The following SCRG1 variants were observed in gnomAD, a reference collection of about 807,000 sequenced individuals.
SCRG1 encodes the protein stimulator of chondrogenesis 1, also known as scrapie-responsive protein 1.
Under a neutral mutation model 7.7 loss-of-function variants are expected in SCRG1, and 3 were observed. The ratio of observed to expected loss-of-function variants is 0.39; its 90% CI spans 0.18 to 1.01. The LOEUF (loss-of-function observed/expected upper bound fraction) is 1.01, where lower values mean the gene tolerates loss of function less well. Among genes scored for constraint, SCRG1 ranks in the 50% least tolerant of loss-of-function variants. The probability of loss-of-function intolerance (pLI) is 0.36; values close to 1 mark genes in which losing one functional copy is unlikely to be tolerated. For synonymous variants in SCRG1, 46 were observed against 41.2 expected, an observed-to-expected ratio of 1.12 and a Z score of -0.44; for missense variants, 110 against 117.2, an observed-to-expected ratio of 0.94 and a Z score of 0.28.
the SCRG1 span, among the ~76,000 whole-genome samples, chr4:173,423,002 G>A: frequency 6.6e-6 from 1 of 152,136 alleles, no homozygotes; most frequent in Non-Finnish European, 1.5e-5. Flanking sequence ...CTCTTTGGAT[G>A]GGTGTTGGTT....
At chr4:173,478,384 A>C in the SCRG1 span, among the ~76,000 whole-genome samples, 1 of 138,824 alleles carries the variant, frequency 7.2e-6, no homozygotes, top group Admixed American at 6.8e-5. Context: ...AAAAACAAAA[A>C]ACAAAAAACA....
chr4:173,425,544 G>T, the SCRG1 span, among the ~76,000 whole-genome samples: 2 of 152,178 alleles, frequency 1.3e-5, no homozygotes, highest in Non-Finnish European at 2.9e-5. Flanking sequence ...TAGGGGGCAG[G>T]TATGATGGAC....
chr4:173,457,397 G>A, the SCRG1 span, among the ~76,000 whole-genome samples: 1 of 152,224 alleles, frequency 6.6e-6, no homozygotes, highest in Admixed American at 6.5e-5. Flanking sequence ...TTCTGGAATA[G>A]AGCCAATTCC....
At chr4:173,501,524 C>G in the SCRG1 span, among the ~76,000 whole-genome samples, 1 of 152,142 alleles carries the variant, frequency 6.6e-6, no homozygotes, top group Non-Finnish European at 1.5e-5. The surrounding 1 kb of genome is among the most constrained non-coding windows in gnomAD (Gnocchi z 5.1). Context: ...AGTAGGCACA[C>G]GAAGAACGGC....
At chr4:173,516,648 A>G in the SCRG1 span, among the ~76,000 whole-genome samples, 1 of 152,200 alleles carries the variant, frequency 6.6e-6, no homozygotes, top group Non-Finnish European at 1.5e-5. Flanking sequence ...GAAACAAAAC[A>G]ACCAACCCCG....
chr4:173,458,676 A>C, the SCRG1 span, among the ~76,000 whole-genome samples: 3 of 152,354 alleles, frequency 2.0e-5, no homozygotes, highest in Non-Finnish European at 4.4e-5. Flanking sequence ...ATAAATAGTA[A>C]GAGAGGAAGA....
At position 173,386,744 on chromosome 4, in the gene SCRG1, A is replaced by C. The variant is rs1368703265; in HGVS notation, c.*1597T>G. 1 of 152,198 alleles carries C rather than the reference A, an allele frequency of 6.6e-6. No individual in the cohort carries two copies. The highest frequency in any genetic ancestry group is 2.1e-4 in the South Asian group (1 of 4,826). The allele number at this position is 152,198 out of a possible 1,614,324, so 9.4% of individuals were successfully genotyped here. A position where few individuals can be genotyped will look rare whatever the true frequency, so the allele number is the denominator to read the frequency against. On this transcript the variant is annotated 3_prime_UTR_variant, in exon 3 of 3. Coordinates refer to ENST00000296506, the MANE Select transcript of SCRG1 (RefSeq NM_007281.4). ...GGTGTCTCTCAAACATTTCCCCACA[A>C]TACTTTGTATGGCACCCTATACTTC...
chr4:173,429,284 G>GA, the SCRG1 span, among the ~76,000 whole-genome samples: 17 of 125,196 alleles, frequency 1.4e-4, no homozygotes, highest in Admixed American at 4.5e-4. Flanking sequence ...GAAGGTATGA[G>GA]AAAAAAAATT....
At chr4:173,474,504 A>G in the SCRG1 span, among the ~76,000 whole-genome samples, 2 of 152,340 alleles carry the variant, frequency 1.3e-5, no homozygotes, top group South Asian at 2.1e-4. Flanking sequence ...AATTCTTTAC[A>G]CTTTCAGAAA....
At chr4:173,424,069 C>A in the SCRG1 span, among the ~76,000 whole-genome samples, 62 of 152,280 alleles carry the variant, frequency 4.1e-4, no homozygotes, top group African/African-American at 1.4e-3. Context: ...AAAGGTCCCA[C>A]TTGTCAATAC....
At chr4:173,506,142 G>A in the SCRG1 span, among the ~76,000 whole-genome samples, 1 of 152,178 alleles carries the variant, frequency 6.6e-6, no homozygotes, top group East Asian at 1.9e-4. The surrounding 1 kb of genome is among the most constrained non-coding windows in gnomAD (Gnocchi z 5.3). Flanking sequence ...TGACACTTGA[G>A]GGACACATGT....
At chr4:173,459,126 G>A in the SCRG1 span, among the ~76,000 whole-genome samples, 1 of 152,164 alleles carries the variant, frequency 6.6e-6, no homozygotes, top group Non-Finnish European at 1.5e-5. Flanking sequence ...AGCAATTATT[G>A]TTAGATCTAA....
Position 173,387,577 on chromosome 4 carries a change from C to T in SCRG1, c.*764G>A, listed in dbSNP as rs186566306. ...CCCAGGCTGGTCTCAAACTCCTGGA[C>T]TCAAGTGATCTTCCCGCCTTGGCCT... On this transcript the variant is annotated 3_prime_UTR_variant, in exon 3 of 3. Transcript: ENST00000296506. The T allele has an allele frequency of 1.3e-5, 2 of 150,124 alleles. No homozygotes were observed. Among genetic ancestry groups the T allele is most frequent in the South Asian group, 2.1e-4 (1 of 4,702 alleles). 9.3% of individuals were successfully genotyped at this position (150,124 alleles called of 1,614,324 possible).
At chr4:173,505,467 T>C in the SCRG1 span, among the ~76,000 whole-genome samples, 5 of 152,126 alleles carry the variant, frequency 3.3e-5, no homozygotes, top group East Asian at 3.9e-4. The surrounding 1 kb of genome is among the most constrained non-coding windows in gnomAD (Gnocchi z 4.4). Flanking sequence ...CATCAGTACA[T>C]TGGGAAAGTG....
At chr4:173,493,345 C>A in the SCRG1 span, among the ~76,000 whole-genome samples, 2 of 152,126 alleles carry the variant, frequency 1.3e-5, no homozygotes, top group Non-Finnish European at 2.9e-5. Flanking sequence ...GCTTGCTTCC[C>A]CTTCTGCCTT....
the SCRG1 span, among the ~76,000 whole-genome samples, chr4:173,444,352 A>G: frequency 6.6e-6 from 1 of 152,280 alleles, no homozygotes; most frequent in Admixed American, 6.5e-5. Context: ...TCTTCCCTGA[A>G]TGTAATTCTG....
At chr4:173,403,891 C>T (rs1739824920), upstream of SCRG1, among the ~76,000 whole-genome samples, 1 of 152,096 alleles carries the variant, frequency 6.6e-6, no homozygotes, top group Admixed American at 6.6e-5. Context: ...TGTATTCTTT[C>T]GTAGGTCCTG....
Position 173,391,385 on chromosome 4 carries a change from A to G in SCRG1, c.30T>C (p.Ile10=). ...GAACTCCTAGCAGCAAAGTTAGCCC[A>G]ATGGTGAAAACAAGTACCATCAGTT... MKLMVLVFT[I]GLTLLLGVQA... is the part of the protein sequence containing the mutation. The change falls in exon 2 of 3, where the codon ATT becomes ATC. Residue 10 remains isoleucine (I), a synonymous_variant. Transcript: ENST00000296506. 6.2e-7 allele frequency: 1 copy of G among 1,614,208 alleles called. No homozygotes were observed. The highest frequency in any genetic ancestry group is 8.5e-7 in the Non-Finnish European group (1 of 1,180,020).
chr4:173,453,031 T>G, the SCRG1 span, among the ~76,000 whole-genome samples: 2 of 152,182 alleles, frequency 1.3e-5, no homozygotes, highest in Non-Finnish European at 2.9e-5. Flanking sequence ...ATAAATGCCT[T>G]TATTATAGCC....
Sources: allele counts gnomAD v4.1 joint callset (sites outside exome capture counted in the v4.1 genomes callset), GRCh38; gene constraint gnomAD v4.1.1; non-coding constraint Gnocchi (gnomAD v3.1); transcripts MANE v1.5; gene names NCBI Gene and HGNC (gene_info 2026-07-23, HGNC 2026-07-21).